The following FAM117B variants were observed in gnomAD, a reference collection of about 807,000 sequenced individuals.
FAM117B encodes protein FAM117B.
FAM117B carries 22 observed loss-of-function variants against 52.8 expected under a neutral mutation model. The observed-to-expected ratio is 0.42, with a 90% CI of 0.30 to 0.59. FAM117B has a LOEUF of 0.59. FAM117B is among the 20% of genes least tolerant of loss of function. FAM117B has a pLI of 0.22. For missense variants in FAM117B, 678 were observed against 802.6 expected, an observed-to-expected ratio of 0.84 and a Z score of 1.88; for synonymous variants, 309 against 324.1, an observed-to-expected ratio of 0.95 and a Z score of 0.50.
chr2:202,726,430 A>T (rs1401387737), intron 4 of FAM117B, 67 bp downstream of exon 4: 2 of 1,203,592 alleles, frequency 1.7e-6, no homozygotes, highest in Non-Finnish European at 2.4e-6. Flanking sequence ...TTGTTATTTC[A>T]TTGGTAATTG....
chr2:202,732,125 A>C (rs2105789872), intron 4 of FAM117B, among the ~76,000 whole-genome samples: 1 of 150,048 alleles, frequency 6.7e-6, no homozygotes, highest in South Asian at 2.1e-4. Flanking sequence ...TCCTGGCCTC[A>C]GGTGATCCAC....
At chr2:202,731,352 T>C (rs1213947423) in intron 4 of FAM117B, among the ~76,000 whole-genome samples, 4 of 130,980 alleles carry the variant, frequency 3.1e-5, no homozygotes, top group African/African-American at 8.1e-5. Context: ...TATATATATA[T>C]ATATATATAT....
intron 1 of FAM117B, among the ~76,000 whole-genome samples, chr2:202,666,549 T>C (rs1230108943): frequency 1.3e-5 from 2 of 151,980 alleles, no homozygotes; most frequent in Non-Finnish European, 2.9e-5. Flanking sequence ...ATTTTGACAC[T>C]GCTAGCTGGG....
intron 7 of FAM117B, 47 bp downstream of exon 7, chr2:202,759,400 T>A: frequency 1.1e-5 from 17 of 1,588,948 alleles, no homozygotes; most frequent in Non-Finnish European, 1.4e-5. Flanking sequence ...TTATGAGCTT[T>A]TTTTTTTGAG....
intron 1 of FAM117B, among the ~76,000 whole-genome samples, chr2:202,689,793 C>T (rs1460449470): frequency 6.6e-6 from 1 of 152,004 alleles, no homozygotes; most frequent in Admixed American, 6.6e-5. Flanking sequence ...TGGTGCGTGC[C>T]TGTGGTCTCA....
At chr2:202,692,851 C>T (rs533299096) in intron 1 of FAM117B, among the ~76,000 whole-genome samples, 47 of 152,152 alleles carry the variant, frequency 3.1e-4, no homozygotes, top group African/African-American at 1.1e-3. Context: ...AGCACAAAAG[C>T]AGCCATAGAC....
intron 2 of FAM117B, among the ~76,000 whole-genome samples, chr2:202,696,791 CG>C (rs1386446500): frequency 6.6e-6 from 1 of 152,132 alleles, no homozygotes; most frequent in Non-Finnish European, 1.5e-5. Context: ...CAGGGCCAGG[CG>C]GGATGGCTTA....
intron 1 of FAM117B, among the ~76,000 whole-genome samples, chr2:202,665,546 G>C (rs988243168): frequency 3.3e-5 from 5 of 152,136 alleles, no homozygotes; most frequent in Admixed American, 2.6e-4. Flanking sequence ...TGATGTAATC[G>C]TGGATGTGAT....
intron 1 of FAM117B, among the ~76,000 whole-genome samples, chr2:202,651,057 A>G (rs1204367752): frequency 2.9e-5 from 4 of 136,238 alleles, no homozygotes; most frequent in Non-Finnish European, 6.2e-5. Context: ...CTAATTTGCC[A>G]TTCTTTTTTT....
intron 4 of FAM117B, among the ~76,000 whole-genome samples, chr2:202,745,807 A>T (rs1026715077): frequency 6.6e-6 from 1 of 152,250 alleles, no homozygotes; most frequent in African/African-American, 2.4e-5. Context: ...CTGTATTTGT[A>T]TAACACAAAA....
At chr2:202,758,152 C>G (rs2105800163) in intron 6 of FAM117B, among the ~76,000 whole-genome samples, 1 of 152,210 alleles carries the variant, frequency 6.6e-6, no homozygotes, top group African/African-American at 2.4e-5. Context: ...TTATTTAGAA[C>G]CTCCTCCATA....
chr2:202,729,806 T>C (rs1559111290), intron 4 of FAM117B, among the ~76,000 whole-genome samples: 1 of 152,134 alleles, frequency 6.6e-6, no homozygotes, highest in African/African-American at 2.4e-5. Context: ...GAGAGGTAAA[T>C]AGCAGCCAAA....
At chr2:202,655,707 TGAGAGAGAGAGA>T (rs60423652) in intron 1 of FAM117B, among the ~76,000 whole-genome samples, 4,328 of 98,888 alleles carry the variant, frequency 0.044, 118 homozygotes, top group Non-Finnish European at 0.056. Flanking sequence ...GGGAAGAGAG[TGAGAGAGAGAGA>T]GAGAGAGAGA....
At chr2:202,712,051 T>G (rs1690964994) in intron 2 of FAM117B, among the ~76,000 whole-genome samples, 1 of 152,158 alleles carries the variant, frequency 6.6e-6, no homozygotes, top group South Asian at 2.1e-4. Flanking sequence ...CCTTATAAAT[T>G]TTAGGATTTT....
chr2:202,647,695 G>A (rs1689891786), intron 1 of FAM117B, among the ~76,000 whole-genome samples: 2 of 152,206 alleles, frequency 1.3e-5, no homozygotes, highest in South Asian at 4.1e-4. Flanking sequence ...CATAGGATCA[G>A]GCTGCAGCAA....
At position 202,635,230 on chromosome 2, in the gene FAM117B, G is replaced by A. The variant is rs985915959; in HGVS notation, c.43G>A (p.Gly15Ser). The change falls in exon 1 of 8, where the codon GGC becomes AGC. Residue 15 changes from glycine to serine, a missense_variant. Gly to Ser is a moderately conservative substitution (Grantham distance 56). Around this residue, in one of 3 missense-constraint regions of FAM117B, gnomAD observed 583 missense variants for 644.8 expected, o/e 0.90. Transcript: ENST00000392238. ...VRRNGSPTPAGSLGGGAVATA... is the reference protein window; with the variant it reads ...VRRNGSPTPASSLGGGAVATA... ...GCGCAATGGGTCCCCCACGCCGGCCGGCTCCCTTGGGGGTGGTGCGGTGGC... is the reference window on the plus strand; with the variant it reads ...GCGCAATGGGTCCCCCACGCCGGCCAGCTCCCTTGGGGGTGGTGCGGTGGC... The A allele has an allele frequency of 1.5e-6, 2 of 1,308,372 alleles. No homozygotes were observed. The highest frequency in any genetic ancestry group is 1.9e-6 in the Non-Finnish European group (2 of 1,027,198). The allele number at this position is 1,308,372 out of a possible 1,614,324, so 81.0% of individuals were successfully genotyped here.
chr2:202,649,341 G>A (rs998762716), intron 1 of FAM117B, among the ~76,000 whole-genome samples: 1 of 151,664 alleles, frequency 6.6e-6, no homozygotes, highest in Non-Finnish European at 1.5e-5. Flanking sequence ...TCTTTTTACT[G>A]TGTTCTAAAG....
chr2:202,706,710 TGAA>T (rs368554738), intron 2 of FAM117B, among the ~76,000 whole-genome samples: 29 of 152,220 alleles, frequency 1.9e-4, no homozygotes, highest in Non-Finnish European at 2.8e-4. Context: ...GTTATGAAAA[TGAA>T]GAAGTAAAAT....
chr2:202,661,171 T>G (rs1395190309), intron 1 of FAM117B, among the ~76,000 whole-genome samples: 1 of 152,216 alleles, frequency 6.6e-6, no homozygotes, highest in East Asian at 1.9e-4. Flanking sequence ...TAGCTGCCAT[T>G]ATTTACTTTT....
Sources: gnomAD v4.1 joint callset for allele counts (sites outside exome capture counted in the v4.1 genomes callset) on GRCh38, gnomAD v4.1.1 for gene constraint, gnomAD v4.1.1 regional missense constraint, MANE v1.5 for transcripts, NCBI Gene and HGNC (gene_info 2026-07-23, HGNC 2026-07-21) for gene names.